PKHD1: variants seen among roughly 807,000 people sequenced by gnomAD.
The protein encoded by PKHD1 is PKHD1 ciliary IPT domain containing fibrocystin/polyductin.
In PKHD1, 291 loss-of-function variants were observed where a neutral mutation model predicts 412.0. That is an observed-to-expected ratio of 0.71 (90% confidence interval 0.64 to 0.78). The LOEUF is 0.78. Ranked by LOEUF, PKHD1 falls within the 30% of genes least tolerant of loss-of-function variation. The pLI, the probability that PKHD1 is intolerant of heterozygous loss-of-function variation, is 0.00. For synonymous variants in PKHD1, 1,777 were observed against 1,821.5 expected, an observed-to-expected ratio of 0.98 and a Z score of 0.62; for missense variants, 4,825 against 4,950.7, an observed-to-expected ratio of 0.97 and a Z score of 0.76.
At chr6:51,755,820 G>A (rs1007190869) in intron 55 of PKHD1, among the ~76,000 whole-genome samples, 1 of 152,058 alleles carries the variant, frequency 6.6e-6, no homozygotes, top group African/African-American at 2.4e-5. Context: ...TTTATTGACC[G>A]AGCAAATCTT....
chr6:51,637,054 A>C (rs1768671836), intron 64 of PKHD1, among the ~76,000 whole-genome samples: 1 of 152,200 alleles, frequency 6.6e-6, no homozygotes, highest in Non-Finnish European at 1.5e-5. Context: ...GAACACCAAG[A>C]CCAGTTCAAA....
chr6:51,959,017 G>T (rs1350693646), intron 36 of PKHD1, among the ~76,000 whole-genome samples: 1 of 152,124 alleles, frequency 6.6e-6, no homozygotes, highest in Non-Finnish European at 1.5e-5. Flanking sequence ...AAAAGAGACA[G>T]GTATTAAAAT....
rs968046836 is a variant in PKHD1, at chr6:52,014,867, T to A, written c.5600+2543A>T. Among the ~76,000 whole-genome samples the A allele has an allele frequency of 9.2e-5, 14 of 152,260 alleles. No individual in the cohort carries two copies. The South Asian group carries it at 1.0e-3, about 11-fold the overall frequency. ...GGTATAATTTTTGCCACAGATGCACTTCTCCCTTTGCCAAATGACATCAAA... is the reference window on the plus strand; with the variant it reads ...GGTATAATTTTTGCCACAGATGCACATCTCCCTTTGCCAAATGACATCAAA... On this transcript the variant is annotated intron_variant, in intron 34 of 66. Coordinates refer to ENST00000371117, the MANE Select transcript of PKHD1 (RefSeq NM_138694.4).
chr6:51,949,736 A>T (rs1378128723), intron 36 of PKHD1, among the ~76,000 whole-genome samples: 1 of 152,032 alleles, frequency 6.6e-6, no homozygotes, highest in East Asian at 1.9e-4. Context: ...GAGCCCTCAC[A>T]TATTCATGGG....
At chr6:52,075,275 T>C (rs1582119059) in intron 6 of PKHD1, among the ~76,000 whole-genome samples, 1 of 152,140 alleles carries the variant, frequency 6.6e-6, no homozygotes, top group East Asian at 1.9e-4. Flanking sequence ...ACACAGAAAA[T>C]ATAAAACGCT....
intron 35 of PKHD1, among the ~76,000 whole-genome samples, chr6:52,004,445 C>T (rs1031749674): frequency 2.6e-5 from 4 of 151,950 alleles, no homozygotes; most frequent in Non-Finnish European, 4.4e-5. Context: ...TTTTAAAGTC[C>T]GTATCTAGTA....
At chr6:52,018,969 T>A (rs1225848341) in intron 33 of PKHD1, among the ~76,000 whole-genome samples, 1 of 152,216 alleles carries the variant, frequency 6.6e-6, no homozygotes, top group African/African-American at 2.4e-5. Flanking sequence ...TTATAAACAT[T>A]AGCATGTTAT....
At position 52,083,208 on chromosome 6, in the gene PKHD1, C is replaced by G; in HGVS notation, c.100G>C (p.Gly34Arg). 6.2e-7 allele frequency: 1 copy of G among 1,612,224 alleles called. No homozygotes were observed. Among genetic ancestry groups the G allele is most frequent in the Non-Finnish European group, 8.5e-7 (1 of 1,178,230 alleles). ...AAAATGACTGTGATCCACGTTCCCC[C>G]TGCAAGGCTACCTTCTTCAGGTTCA... is the stretch of plus-strand genomic sequence containing the variant. The part of the protein sequence containing the change: ...HIEPEEGSLA[G>R]GTWITVIFDG... The change falls in exon 3 of 67, where the codon GGG becomes CGG. Residue 34 changes from glycine to arginine, a missense_variant. Coordinates refer to ENST00000371117, the MANE Select transcript of PKHD1 (RefSeq NM_138694.4).
At chr6:51,851,900 C>CT (rs1161909900) in intron 49 of PKHD1, among the ~76,000 whole-genome samples, 3 of 151,610 alleles carry the variant, frequency 2.0e-5, no homozygotes, top group African/African-American at 7.3e-5. Context: ...GTGTCTATAA[C>CT]TCCTTCAATT....
At chr6:51,776,614 C>T (rs1015140274) in intron 53 of PKHD1, among the ~76,000 whole-genome samples, 8 of 151,970 alleles carry the variant, frequency 5.3e-5, no homozygotes, top group African/African-American at 2.4e-5. Flanking sequence ...ATTATTATCC[C>T]AGTTTTAAAT....
At chr6:51,770,055 A>G (rs1789810723) in intron 55 of PKHD1, among the ~76,000 whole-genome samples, 1 of 151,536 alleles carries the variant, frequency 6.6e-6, no homozygotes, top group Admixed American at 6.6e-5. Context: ...AGGGTAAAGG[A>G]GTAGTTTGAT....
intron 35 of PKHD1, among the ~76,000 whole-genome samples, chr6:51,969,488 T>C (rs1793340407): frequency 6.6e-6 from 1 of 152,204 alleles, no homozygotes; most frequent in East Asian, 1.9e-4. Flanking sequence ...TCCGGGCTTT[T>C]AGTGTAACCA....
intron 53 of PKHD1, among the ~76,000 whole-genome samples, chr6:51,777,251 T>C (rs1791178274): frequency 6.6e-6 from 1 of 152,136 alleles, no homozygotes; most frequent in Non-Finnish European, 1.5e-5. Context: ...TGACACTTCC[T>C]ATATACCTGG....
intron 43 of PKHD1, among the ~76,000 whole-genome samples, chr6:51,898,301 T>G (rs1339114614): frequency 3.4e-5 from 5 of 145,834 alleles, no homozygotes; most frequent in Admixed American, 6.8e-5. Context: ...GAACAGAAAT[T>G]ATAACAAACT....
intron 1 of PKHD1, among the ~76,000 whole-genome samples, chr6:52,087,166 T>C (rs949939871): frequency 3.3e-5 from 5 of 152,222 alleles, no homozygotes; most frequent in Non-Finnish European, 5.9e-5. Context: ...TTATTTCTCA[T>C]AACTAAAATT....
intron 36 of PKHD1, among the ~76,000 whole-genome samples, chr6:51,959,179 T>C (rs1451407043): frequency 6.6e-6 from 1 of 152,134 alleles, no homozygotes; most frequent in Admixed American, 6.6e-5. Context: ...TAACTAATCA[T>C]ATCTCCCATG....
intron 43 of PKHD1, among the ~76,000 whole-genome samples, chr6:51,895,567 A>G (rs574720616): frequency 1.3e-5 from 2 of 152,232 alleles, no homozygotes; most frequent in East Asian, 3.9e-4. Context: ...GTTATATTAA[A>G]TACATTTTTT....
At chr6:52,056,426 C>A (rs897942453) in intron 18 of PKHD1, among the ~76,000 whole-genome samples, 3 of 151,746 alleles carry the variant, frequency 2.0e-5, no homozygotes, top group African/African-American at 7.3e-5. Flanking sequence ...TGACCTTTTC[C>A]CACCGTGTGG....
rs145031564 is a variant in PKHD1, at chr6:51,844,998, T to C, written c.8107+2777A>G. On this transcript the variant is annotated intron_variant, in intron 50 of 66. Coordinates refer to ENST00000371117, the MANE Select transcript of PKHD1 (RefSeq NM_138694.4). ...CTGCATAGATTAAATGTATTTTATG[T>C]AAATTATCCCAGTCATGGTCCTATA... Among the ~76,000 whole-genome samples, 363 of 152,356 alleles carry C rather than the reference T, an allele frequency of 2.4e-3. 1 individual carries two copies. The highest frequency in any genetic ancestry group is 8.3e-3 in the African/African-American group (347 of 41,582).
Sources: gnomAD v4.1 joint callset for allele counts (sites outside exome capture counted in the v4.1 genomes callset) on GRCh38, gnomAD v4.1.1 for gene constraint, MANE v1.5 for transcripts, NCBI Gene and HGNC (gene_info 2026-07-23, HGNC 2026-07-21) for gene names.